SPEF2: variants seen among roughly 807,000 people sequenced by gnomAD.
SPEF2 encodes the protein sperm flagellar and cilia associated 2.
SPEF2 carries 187 observed loss-of-function variants against 224.6 expected under a neutral mutation model. That is an observed-to-expected ratio of 0.83 (90% CI 0.74 to 0.94). SPEF2 has a LOEUF of 0.94. SPEF2 is among the 40% of genes least tolerant of loss of function. SPEF2 has a pLI of 0.00. For synonymous variants in SPEF2, 715 were observed against 707.3 expected, an observed-to-expected ratio of 1.01 and a Z score of -0.17; for missense variants, 2,170 against 2,135.6, an observed-to-expected ratio of 1.02 and a Z score of -0.32.
At chr5:35,684,842 A>G (rs189188865) in intron 10 of SPEF2, among the ~76,000 whole-genome samples, 1 of 152,344 alleles carries the variant, frequency 6.6e-6, no homozygotes, top group East Asian at 1.9e-4. Flanking sequence ...AATATTGACA[A>G]CTTTCCACTT....
chr5:35,693,843 T>A (rs1754887190), intron 12 of SPEF2, among the ~76,000 whole-genome samples: 1 of 152,226 alleles, frequency 6.6e-6, no homozygotes, highest in Non-Finnish European at 1.5e-5. Flanking sequence ...TGGTGGGCTA[T>A]CTCTTCTTTC....
intron 19 of SPEF2, chr5:35,709,860 C>T (rs944868602): frequency 3.0e-6 from 3 of 985,350 alleles, no homozygotes; most frequent in Admixed American, 6.1e-5. Flanking sequence ...GCTCTGGTTT[C>T]TAGTTTCAGC....
chr5:35,767,714 T>C (rs1752274242), intron 26 of SPEF2, among the ~76,000 whole-genome samples: 2 of 152,128 alleles, frequency 1.3e-5, no homozygotes, highest in Admixed American at 1.3e-4. Flanking sequence ...ACATTAAATT[T>C]AAATGGGCAA....
chr5:35,788,352 T>C, intron 30 of SPEF2: 1 of 703,034 alleles, frequency 1.4e-6, no homozygotes, highest in East Asian at 2.7e-5. Flanking sequence ...ATTGGCCCAG[T>C]ATTCAGAACT....
intron 20 of SPEF2, among the ~76,000 whole-genome samples, chr5:35,722,192 G>A (rs937657151): frequency 2.6e-5 from 4 of 152,126 alleles, no homozygotes; most frequent in African/African-American, 9.7e-5. Context: ...CTGTCCAATG[G>A]AGTAAAACCC....
chr5:35,786,379 G>C (rs1323727381), intron 30 of SPEF2, among the ~76,000 whole-genome samples: 1 of 152,022 alleles, frequency 6.6e-6, no homozygotes, highest in Non-Finnish European at 1.5e-5. Context: ...CGAAGGAGAG[G>C]CTGGGCGTGG....
At chr5:35,797,987 T>A (rs1756916649) in intron 33 of SPEF2, among the ~76,000 whole-genome samples, 1 of 152,078 alleles carries the variant, frequency 6.6e-6, no homozygotes, top group South Asian at 2.1e-4. Context: ...CCAGTTCCTC[T>A]CTTCTCTCAA....
chr5:35,664,465 T>C (rs534927075), intron 8 of SPEF2, among the ~76,000 whole-genome samples: 3 of 151,930 alleles, frequency 2.0e-5, no homozygotes, highest in Admixed American at 6.6e-5. Context: ...CCAAGGCAGG[T>C]GGATCACGAG....
rs753103478 is a variant in SPEF2, at chr5:35,659,200, G to A, written c.1160G>A (p.Arg387Gln). The change falls in exon 8 of 37, where the codon CGA (arginine) becomes CAA (glutamine). Residue 387 changes from arginine to glutamine, a missense_variant. Arg to Gln is a conservative substitution (Grantham distance 43, BLOSUM62 1). Transcript: ENST00000356031. Reference sequence around the variant, plus strand: ...AAAGATTTCCAGGATGCTCTTGATCGAGAAGCGGTAAATACCATCTTCCTT... The same window carrying A: ...AAAGATTTCCAGGATGCTCTTGATCAAGAAGCGGTAAATACCATCTTCCTT... ...RLKDFQDALD[R>Q]EAALAKQAKI... 2.5e-6 allele frequency: 4 copies of A among 1,605,936 alleles called. No individual in the cohort carries two copies. The highest frequency in any genetic ancestry group is 8.5e-7 in the Non-Finnish European group (1 of 1,175,248).
At chr5:35,760,783 T>A (rs1264026217) in intron 25 of SPEF2, among the ~76,000 whole-genome samples, 1 of 152,112 alleles carries the variant, frequency 6.6e-6, no homozygotes, top group Non-Finnish European at 1.5e-5. Flanking sequence ...TTAGGAGTGG[T>A]GGTGATTCCT....
In SPEF2 at chr5:35,722,301, G is replaced by T. The variant is rs1315843642; in HGVS notation, c.2915-5374G>T. Among the ~76,000 whole-genome samples the T allele has an allele frequency of 2.0e-5, 3 of 152,046 alleles. No homozygotes were observed. The South Asian group carries it at 6.3e-4, about 32-fold the overall frequency. On this transcript the variant is annotated intron_variant, in intron 20 of 36. Coordinates refer to ENST00000356031, the MANE Select transcript of SPEF2 (RefSeq NM_024867.4). Reference sequence around the variant, plus strand: ...ACCATGCGTCCCAGCCCTGGCATGGGGCAGGGAGCATCGGGGAGCTGATGC... The same window carrying T: ...ACCATGCGTCCCAGCCCTGGCATGGTGCAGGGAGCATCGGGGAGCTGATGC...
At chr5:35,682,593 A>G (rs1220716109) in intron 10 of SPEF2, among the ~76,000 whole-genome samples, 1 of 148,932 alleles carries the variant, frequency 6.7e-6, no homozygotes, top group Non-Finnish European at 1.5e-5. Context: ...ACACTGGATT[A>G]TATGTACCTT....
intron 10 of SPEF2, among the ~76,000 whole-genome samples, chr5:35,688,671 C>T (rs1448166813): frequency 2.0e-5 from 3 of 151,996 alleles, no homozygotes; most frequent in East Asian, 1.9e-4. Context: ...TCTGACTGCC[C>T]GGGTTCCAAT....
chr5:35,800,254 G>A, intron 34 of SPEF2, 107 bp downstream of exon 34: 1 of 1,259,132 alleles, frequency 7.9e-7, no homozygotes, highest in Non-Finnish European at 1.1e-6. Flanking sequence ...ATTTTCCTAG[G>A]TGTGTAATAT....
At chr5:35,810,063 G>A (rs1358286604) in intron 36 of SPEF2, among the ~76,000 whole-genome samples, 1 of 152,150 alleles carries the variant, frequency 6.6e-6, no homozygotes, top group Non-Finnish European at 1.5e-5. Flanking sequence ...ACTCTGAGCA[G>A]AGTGATTAAA....
At chr5:35,760,360 CTAA>C (rs766793745) in intron 25 of SPEF2, among the ~76,000 whole-genome samples, 5,460 of 146,312 alleles carry the variant, frequency 0.037, 282 homozygotes, top group South Asian at 0.12. Context: ...GAGACTCCGT[CTAA>C]AAAAAAAAAA....
chr5:35,757,142 TA>T lies in SPEF2; in HGVS notation c.3469-2421del, dbSNP rs1228418427. Among the ~76,000 whole-genome samples the T allele has an allele frequency of 3.2e-5, 4 of 126,568 alleles. No individual in the cohort carries two copies. The East Asian group carries it at 1.3e-3, about 41-fold the overall frequency. 83.0% of individuals were successfully genotyped at this position (126,568 alleles called of 152,430 possible). On this transcript the variant is annotated intron_variant, in intron 24 of 36. Transcript: ENST00000356031. ...ATATCGTTTACTAGTTATAATATCA[TA>T]AAAATATTGTTTACTAGTTATCATA...
intron 1 of SPEF2, among the ~76,000 whole-genome samples, chr5:35,622,260 T>G (rs59120803): frequency 0.021 from 3,135 of 152,272 alleles, 108 homozygotes; most frequent in African/African-American, 0.072. Flanking sequence ...TGTCCCAAAG[T>G]TGAGGGGTAT....
intron 10 of SPEF2, chr5:35,670,756 G>C (rs888538023): frequency 1.0e-6 from 1 of 985,376 alleles, no homozygotes; most frequent in African/African-American, 1.7e-5. Flanking sequence ...TTTGAGATTA[G>C]ACAGACTAGA....
Sources: gnomAD v4.1 joint callset for allele counts (sites outside exome capture counted in the v4.1 genomes callset) on GRCh38, gnomAD v4.1.1 for gene constraint, MANE v1.5 for transcripts, NCBI Gene and HGNC (gene_info 2026-07-23, HGNC 2026-07-21) for gene names.